The following CHST15 variants were observed in gnomAD, a reference collection of about 807,000 sequenced individuals.
CHST15 encodes the protein B cell RAG associated protein (GALNAC4S-6ST).
CHST15 carries 30 observed loss-of-function variants against 53.6 expected under a neutral mutation model. The observed-to-expected ratio is 0.56, with a 90% confidence interval of 0.42 to 0.76. The LOEUF (loss-of-function observed/expected upper bound fraction) is 0.76. Among genes scored for constraint, CHST15 ranks in the 30% least tolerant of loss-of-function variants. CHST15 has a pLI of 0.00. For missense variants in CHST15, 627 were observed against 740.5 expected (o/e 0.85, Z 1.78); for synonymous variants, 296 against 289.8 (o/e 1.02, Z -0.22).
intron 1 of CHST15, among the ~76,000 whole-genome samples, chr10:124,049,976 A>G (rs1340100903): frequency 6.6e-6 from 1 of 151,942 alleles, no homozygotes; most frequent in Admixed American, 6.6e-5. Context: ...TAAGATAATC[A>G]GTTAGGTTCT....
intron 1 of CHST15, among the ~76,000 whole-genome samples, chr10:124,070,098 A>C (rs1948866935): frequency 6.6e-6 from 1 of 152,158 alleles, no homozygotes; most frequent in Non-Finnish European, 1.5e-5. Flanking sequence ...AAAGGACAGG[A>C]TTTTTCTTTG....
At chr10:124,030,312 C>T (rs1947178006) in intron 5 of CHST15, among the ~76,000 whole-genome samples, 1 of 152,196 alleles carries the variant, frequency 6.6e-6, no homozygotes, top group Admixed American at 6.5e-5. Context: ...CGTGCCGCTT[C>T]CAGGGCCCAT....
chr10:124,010,077 C>T lies in CHST15; in HGVS notation c.*72G>A, dbSNP rs1240059478. On this transcript the variant is annotated 3_prime_UTR_variant, in exon 8 of 8. Transcript: ENST00000435907. The stretch of plus-strand genomic sequence containing the variant: ...CCATACCATGAGTGAAACAGTTCCC[C>T]GCAAAGAGATTTGTAAAATCCTGAT... The T allele has an allele frequency of 3.1e-6, 5 of 1,608,806 alleles. No individual in the cohort carries two copies. Among genetic ancestry groups the T allele is most frequent in the South Asian group, 2.2e-5 (2 of 90,324 alleles).
intron 1 of CHST15, among the ~76,000 whole-genome samples, chr10:124,073,997 C>T (rs375158889): frequency 8.5e-5 from 13 of 152,326 alleles, no homozygotes; most frequent in East Asian, 5.8e-4. Context: ...CAGCAACCTA[C>T]GGGCTAGGCA....
rs1946363912 is a variant in CHST15, at chr10:124,009,900, C to A, written c.*249G>T. 7.6e-7 allele frequency: 1 copy of A among 1,322,452 alleles called. No individual in the cohort carries two copies. Among genetic ancestry groups the A allele is most frequent in the Non-Finnish European group, 9.7e-7 (1 of 1,031,962 alleles). 81.9% of individuals were successfully genotyped at this position (1,322,452 alleles called of 1,614,324 possible). ...TCCCCAAGCTCCAGGACGCTCAGAG[C>A]AGAGCTGAATTCTTGAGAAACTGGG... On this transcript the variant is annotated 3_prime_UTR_variant, in exon 8 of 8. Coordinates refer to ENST00000435907, the MANE Select transcript of CHST15 (RefSeq NM_001270764.2).
At chr10:124,056,756 G>T (rs1948395456) in intron 1 of CHST15, among the ~76,000 whole-genome samples, 2 of 152,126 alleles carry the variant, frequency 1.3e-5, no homozygotes, top group African/African-American at 4.8e-5. Flanking sequence ...TGGACACGCT[G>T]CGGCCCAGGC....
In CHST15 at chr10:124,019,663, C is replaced by T. The variant is rs1237338727; in HGVS notation, c.1347+1593G>A. ...TTAAACAAGTATGTGTGCTTTCTCG[C>T]GTTAGTCTTTTATTATAGGTGCCTC... On this transcript the variant is annotated intron_variant, in intron 6 of 7. Transcript: ENST00000435907. The surrounding 1 kb of genome is among the most constrained non-coding windows in gnomAD (Gnocchi z 4.6). 5.4e-6 allele frequency: 3 copies of T among 551,110 alleles called. No homozygotes were observed. Among genetic ancestry groups the T allele is most frequent in the East Asian group, 1.5e-4 (1 of 6,870 alleles). 34.1% of individuals were successfully genotyped at this position (551,110 alleles called of 1,614,324 possible).
At chr10:124,023,146 T>C (rs1341393812) in intron 5 of CHST15, among the ~76,000 whole-genome samples, 1 of 152,092 alleles carries the variant, frequency 6.6e-6, no homozygotes, top group Non-Finnish European at 1.5e-5. Context: ...TGGCAGTCCC[T>C]ATACCTACCA....
At chr10:124,069,820 AAC>A (rs1231615724) in intron 1 of CHST15, among the ~76,000 whole-genome samples, 2 of 152,194 alleles carry the variant, frequency 1.3e-5, no homozygotes, top group Non-Finnish European at 2.9e-5. Flanking sequence ...GCCTGCCTTT[AAC>A]AGTTCTGCGC....
At chr10:124,088,796 A>C (rs1468671973) in intron 1 of CHST15, among the ~76,000 whole-genome samples, 2 of 152,160 alleles carry the variant, frequency 1.3e-5, no homozygotes, top group African/African-American at 4.8e-5. Context: ...CCATAGTTAC[A>C]ATTTAAAAAA....
At chr10:124,068,858 A>G (rs939775241) in intron 1 of CHST15, among the ~76,000 whole-genome samples, 2 of 152,236 alleles carry the variant, frequency 1.3e-5, no homozygotes, top group Admixed American at 1.3e-4. Context: ...CTATTTTAAT[A>G]AGAAACACAA....
rs1182927775 is a variant in CHST15 at position 124,010,298 on chromosome 10, G to A, written c.1537C>T (p.Pro513Ser). 3 of 1,610,956 alleles carry A rather than the reference G, an allele frequency of 1.9e-6. No homozygotes were observed. In the African/African-American group the frequency reaches 4.0e-5, roughly 22 times the overall value. The part of the protein sequence containing the change: ...EKQEALMTKS[P>S]ASNARRPEDR... The stretch of plus-strand genomic sequence containing the variant: ...TCGGGACGCCGTGCATTGGATGCGG[G>A]GCTCTTGGTCATCAAAGCCTCCTGC... The change falls in exon 8 of 8, where the codon CCC (proline) becomes TCC (serine). Residue 513 changes from proline (P) to serine (S), a missense_variant. Physicochemically the swap from Pro to Ser is moderately conservative, Grantham distance 74. This residue lies in a region of CHST15 where 279 missense variants were observed against 371.6 expected (regional missense o/e 0.75). Transcript: ENST00000435907.
intron 5 of CHST15, among the ~76,000 whole-genome samples, chr10:124,035,989 C>G (rs1464800220): frequency 6.6e-6 from 1 of 152,244 alleles, no homozygotes; most frequent in East Asian, 1.9e-4. Flanking sequence ...CCTCTCTGTG[C>G]CCAGACAGTA....
In CHST15 at chr10:124,076,270, G is replaced by A. The variant is rs151198987; in HGVS notation, c.-513+17199C>T. ...ATTCAGGTTTTCTCTTCTCAAAGCTGAGCTGTCAAGTCAGTGAGTTTCATT... is the reference window on the plus strand; with the variant it reads ...ATTCAGGTTTTCTCTTCTCAAAGCTAAGCTGTCAAGTCAGTGAGTTTCATT... On this transcript the variant is annotated intron_variant, in intron 1 of 7. Coordinates refer to ENST00000435907, the MANE Select transcript of CHST15 (RefSeq NM_001270764.2). Among the ~76,000 whole-genome samples, 552 of 152,332 alleles carry A rather than the reference G, an allele frequency of 3.6e-3. 3 individuals are homozygous for A. Among genetic ancestry groups the A allele is most frequent in the Middle Eastern group, 0.017 (5 of 294 alleles).
At chr10:124,070,448 G>A (rs60224161) in intron 1 of CHST15, among the ~76,000 whole-genome samples, 2,202 of 152,170 alleles carry the variant, frequency 0.014, 80 homozygotes, top group East Asian at 0.12. Context: ...GCTCGATCTC[G>A]GCTCACTGCA....
At chr10:124,055,311 G>T (rs992649647) in intron 1 of CHST15, among the ~76,000 whole-genome samples, 4 of 152,132 alleles carry the variant, frequency 2.6e-5, no homozygotes, top group African/African-American at 7.2e-5. Flanking sequence ...CTGGTGTCAA[G>T]TTGGCTTCTA....
Position 124,042,198 on chromosome 10 carries a change from A to T in CHST15, c.1033+103T>A, listed in dbSNP as rs1318659814. ...GGCTCAAAAGAAGTTTGCTGCCACC[A>T]TGTAAATGTTCTGGAGGTGAAGCAG... On this transcript the variant is annotated intron_variant, in intron 4 of 7. Transcript: ENST00000435907. 17 of 1,221,036 alleles carry T rather than the reference A, an allele frequency of 1.4e-5. No homozygotes were observed. In the South Asian group the frequency reaches 2.5e-4, roughly 18 times the overall value. The allele number at this position is 1,221,036 out of a possible 1,614,324, so 75.6% of individuals were successfully genotyped here.
intron 1 of CHST15, among the ~76,000 whole-genome samples, chr10:124,046,966 G>A (rs538411621): frequency 5.3e-5 from 8 of 152,276 alleles, no homozygotes; most frequent in African/African-American, 1.2e-4. Context: ...CACCACCAGC[G>A]CCACATCAAA....
At chr10:124,017,171 G>T (rs1356661226) in intron 6 of CHST15, among the ~76,000 whole-genome samples, 3 of 152,084 alleles carry the variant, frequency 2.0e-5, no homozygotes, top group Admixed American at 6.5e-5. Flanking sequence ...ACTGTGCCTT[G>T]GGTCAGGAGT....
Sources: gnomAD v4.1 joint callset for allele counts (sites outside exome capture counted in the v4.1 genomes callset) on GRCh38, gnomAD v4.1.1 for gene constraint, gnomAD v4.1.1 regional missense constraint, Gnocchi (gnomAD v3.1) non-coding constraint, MANE v1.5 for transcripts, NCBI Gene and HGNC (gene_info 2026-07-23, HGNC 2026-07-21) for gene names.